ARHGAP39: variants seen among roughly 807,000 people sequenced by gnomAD.
ARHGAP39 encodes the protein rho GTPase-activating protein 39.
Under a neutral mutation model 106.9 loss-of-function variants are expected in ARHGAP39, and 44 were observed. That is an observed-to-expected ratio of 0.41 (90% CI 0.32 to 0.53). ARHGAP39 has a LOEUF of 0.53. ARHGAP39 is among the 20% of genes least tolerant of loss of function. The pLI is 0.21. For synonymous variants in ARHGAP39, 768 were observed against 693.2 expected, an observed-to-expected ratio of 1.11 and a Z score of -1.69; for missense variants, 1,496 against 1,577.3, an observed-to-expected ratio of 0.95 and a Z score of 0.87.
rs114810528 is a variant in ARHGAP39 at position 144,642,613 on chromosome 8, G to A, written c.-81-36918C>T. Among the ~76,000 whole-genome samples the A allele has an allele frequency of 6.1e-3, 933 of 152,250 alleles. 10 individuals carry two copies. The highest frequency in any genetic ancestry group is 0.021 in the African/African-American group (869 of 41,550). ...CACCACGTGTCATGAGAGGGACCTA[G>A]TGGGAGGTAACTGAATCATGGGGAC... On this transcript the variant is annotated intron_variant, in intron 1 of 11. Coordinates refer to ENST00000377307, the MANE Select transcript of ARHGAP39 (RefSeq NM_025251.3).
At chr8:144,589,587 G>T (rs1377833666) in intron 2 of ARHGAP39, among the ~76,000 whole-genome samples, 1 of 152,236 alleles carries the variant, frequency 6.6e-6, no homozygotes, top group Non-Finnish European at 1.5e-5. Flanking sequence ...CTGCCCTAGG[G>T]ACTCCCGTGA....
At chr8:144,555,692 A>C in intron 3 of ARHGAP39, 49 bp from the exon 4 acceptor site, 7 of 1,522,698 alleles carry the variant, frequency 4.6e-6, no homozygotes, top group East Asian at 4.5e-5. Flanking sequence ...GCAATCGTTT[A>C]CCATAACCAG....
intron 1 of ARHGAP39, among the ~76,000 whole-genome samples, chr8:144,629,967 G>C (rs1042270939): frequency 1.3e-5 from 2 of 152,124 alleles, no homozygotes; most frequent in Non-Finnish European, 2.9e-5. Context: ...GGGCCCTGGG[G>C]GCTGATTCTA....
chr8:144,653,217 C>T (rs966026406), intron 1 of ARHGAP39, among the ~76,000 whole-genome samples: 1 of 152,164 alleles, frequency 6.6e-6, no homozygotes, highest in African/African-American at 2.4e-5. Flanking sequence ...TCCACAATCG[C>T]TTGAACCCGG....
the ARHGAP39 span, among the ~76,000 whole-genome samples, chr8:144,695,748 A>C: frequency 6.6e-6 from 1 of 152,222 alleles, no homozygotes; most frequent in African/African-American, 2.4e-5. Flanking sequence ...ACAGGAAAGT[A>C]AACAGTTCTA....
chr8:144,632,040 C>T (rs1281191756), intron 1 of ARHGAP39, among the ~76,000 whole-genome samples: 12 of 152,322 alleles, frequency 7.9e-5, no homozygotes, highest in African/African-American at 2.4e-4. Flanking sequence ...CCCTTGCCAC[C>T]GCCCTGCCCT....
chr8:144,587,494 G>A (rs1386433437), intron 2 of ARHGAP39, among the ~76,000 whole-genome samples: 4 of 152,184 alleles, frequency 2.6e-5, no homozygotes, highest in Admixed American at 2.6e-4. Context: ...TGTTATACAG[G>A]TTTAAGAAGA....
At chr8:144,535,777 C>A (rs377505917) in intron 7 of ARHGAP39, among the ~76,000 whole-genome samples, 11 of 152,096 alleles carry the variant, frequency 7.2e-5, no homozygotes, top group South Asian at 4.1e-4. Context: ...TACACTGGGG[C>A]CACCGCCTCT....
intron 1 of ARHGAP39, among the ~76,000 whole-genome samples, chr8:144,643,270 T>C (rs1385363909): frequency 1.3e-5 from 2 of 151,992 alleles, no homozygotes; most frequent in African/African-American, 4.8e-5. Context: ...GAGACCAGCC[T>C]GGGCAACATG....
chr8:144,620,857 A>T (rs1397223209), intron 1 of ARHGAP39, among the ~76,000 whole-genome samples: 1 of 152,256 alleles, frequency 6.6e-6, no homozygotes, highest in Non-Finnish European at 1.5e-5. Flanking sequence ...ACCGGCAGGA[A>T]TCCCTGGGGC....
At chr8:144,617,231 A>AAAAAACAC (rs1820660101) in intron 1 of ARHGAP39, among the ~76,000 whole-genome samples, 1 of 151,962 alleles carries the variant, frequency 6.6e-6, no homozygotes, top group African/African-American at 2.4e-5. Flanking sequence ...CCAAAAAAAC[A>AAAAAACAC]AAAAACACAA....
intron 2 of ARHGAP39, among the ~76,000 whole-genome samples, chr8:144,602,036 CCTG>C (rs1336099260): frequency 9.5e-6 from 1 of 105,676 alleles, no homozygotes; most frequent in Non-Finnish European, 1.9e-5. Flanking sequence ...TGCTCGTGAA[CCTG>C]TGTGTGTGCG....
At chr8:144,618,612 A>G (rs1043328279) in intron 1 of ARHGAP39, among the ~76,000 whole-genome samples, 1 of 151,828 alleles carries the variant, frequency 6.6e-6, no homozygotes, top group African/African-American at 2.4e-5. Flanking sequence ...TGCGCCCTCC[A>G]TCCCCAGGCC....
chr8:144,594,594 T>C (rs1351164527), intron 2 of ARHGAP39, among the ~76,000 whole-genome samples: 2 of 150,756 alleles, frequency 1.3e-5, no homozygotes, highest in African/African-American at 4.9e-5. Flanking sequence ...CTCGGGAGGC[T>C]GAGGAAGGAG....
chr8:144,691,314 G>C, the ARHGAP39 span, among the ~76,000 whole-genome samples: 1 of 152,288 alleles, frequency 6.6e-6, no homozygotes, highest in Non-Finnish European at 1.5e-5. Context: ...TGTCTGCCCT[G>C]TGTCTGCTGG....
At chr8:144,568,153 G>A (rs1007976245) in intron 3 of ARHGAP39, among the ~76,000 whole-genome samples, 14 of 151,932 alleles carry the variant, frequency 9.2e-5, no homozygotes, top group Admixed American at 7.2e-4. Context: ...CCAACATGGT[G>A]AACTCTCGTC....
intron 1 of ARHGAP39, among the ~76,000 whole-genome samples, chr8:144,669,712 A>C (rs1022930401): frequency 6.6e-6 from 1 of 152,220 alleles, no homozygotes; most frequent in Non-Finnish European, 1.5e-5. Flanking sequence ...GGGACAGGAT[A>C]TGAATAGACA....
In ARHGAP39 at chr8:144,644,155, A is replaced by C. The variant is rs935295832; in HGVS notation, c.-81-38460T>G. ...ACCATTCACAGGAGCCAAACACAGC[A>C]CAGCCCCACGTTCACCACCAGACGA... On this transcript the variant is annotated intron_variant, in intron 1 of 11. Coordinates refer to ENST00000377307, the MANE Select transcript of ARHGAP39 (RefSeq NM_025251.3). This position sits in a 1 kb window ranked among gnomAD's most constrained non-coding sequence, Gnocchi z 4.8. Among the ~76,000 whole-genome samples the C allele has an allele frequency of 7.2e-5, 11 of 152,146 alleles. No individual in the cohort carries two copies. Among genetic ancestry groups the C allele is most frequent in the Non-Finnish European group, 1.3e-4 (9 of 68,030 alleles).
intron 6 of ARHGAP39, among the ~76,000 whole-genome samples, chr8:144,543,179 T>C (rs1270014324): frequency 6.6e-6 from 1 of 152,182 alleles, no homozygotes; most frequent in East Asian, 1.9e-4. Context: ...TCTCACTTTG[T>C]TGCCCAGGCT....
Sources: gnomAD v4.1 joint callset for allele counts (sites outside exome capture counted in the v4.1 genomes callset) on GRCh38, gnomAD v4.1.1 for gene constraint, Gnocchi (gnomAD v3.1) non-coding constraint, MANE v1.5 for transcripts, NCBI Gene and HGNC (gene_info 2026-07-23, HGNC 2026-07-21) for gene names.